The following TBX20 variants were observed in gnomAD, a reference collection of about 807,000 sequenced individuals.
The protein encoded by TBX20 is T-box transcription factor TBX20.
A neutral mutation model predicts 42.9 loss-of-function variants in TBX20; 8 were observed. The observed-to-expected ratio is 0.19, with a 90% CI of 0.11 to 0.34. The LOEUF (loss-of-function observed/expected upper bound fraction) is 0.34. Ranked by LOEUF, TBX20 falls within the 10% of genes least tolerant of loss-of-function variation. The probability of loss-of-function intolerance (pLI) is 1.00; values close to 1 mark genes in which losing one functional copy is unlikely to be tolerated. For synonymous variants in TBX20, 198 were observed against 222.8 expected, an observed-to-expected ratio of 0.89 and a Z score of 0.99; for missense variants, 411 against 566.0, an observed-to-expected ratio of 0.73 and a Z score of 2.78.
intron 6 of TBX20, among the ~76,000 whole-genome samples, chr7:35,225,652 C>A (rs1789757300): frequency 6.6e-6 from 1 of 152,174 alleles, no homozygotes; most frequent in Non-Finnish European, 1.5e-5. Flanking sequence ...ATTACATATT[C>A]ATAGATGAGA....
intron 5 of TBX20, among the ~76,000 whole-genome samples, chr7:35,233,741 T>C (rs1205158028): frequency 9.2e-5 from 14 of 152,244 alleles, no homozygotes. Context: ...ATGAGCTATG[T>C]CTCTTTGTAA....
rs368543970 is a variant in TBX20 at position 35,253,650 on chromosome 7, C to A, written c.-30G>T. ...CCCAGCACGCGGTCCTGGCCAGGGACGGGGTCGTCCGAACTGCCGTCCAGA... is the reference window on the plus strand; with the variant it reads ...CCCAGCACGCGGTCCTGGCCAGGGAAGGGGTCGTCCGAACTGCCGTCCAGA... On this transcript the variant is annotated 5_prime_UTR_variant, in exon 1 of 8. Transcript: ENST00000408931. The A allele has an allele frequency of 1.2e-6, 2 of 1,603,426 alleles. No individual in the cohort carries two copies. Among genetic ancestry groups the A allele is most frequent in the Non-Finnish European group, 8.5e-7 (1 of 1,175,776 alleles).
rs113859845 is a variant in TBX20 at position 35,253,449 on chromosome 7, G to C, written c.127+45C>G. The C allele has an allele frequency of 2.1e-3, 3,379 of 1,585,518 alleles. 64 individuals are homozygous for C. The African/African-American group carries it at 0.04, about 19-fold the overall frequency. On this transcript the variant is annotated intron_variant, in intron 1 of 7. Coordinates refer to ENST00000408931, the MANE Select transcript of TBX20 (RefSeq NM_001077653.2). ...TGCAGCCAGGGGCACAGACGGATGC[G>C]CAGCATCCCCAGTCCTCGGCGGACA...
intron 5 of TBX20, among the ~76,000 whole-genome samples, chr7:35,234,536 T>G (rs192031128): frequency 6.6e-6 from 1 of 152,352 alleles, no homozygotes; most frequent in Non-Finnish European, 1.5e-5. Context: ...AATTATCTAC[T>G]GCTAATATCA....
chr7:35,230,066 A>C (rs1789842342), intron 6 of TBX20, among the ~76,000 whole-genome samples: 1 of 152,106 alleles, frequency 6.6e-6, no homozygotes, highest in African/African-American at 2.4e-5. Context: ...AAAACGGATC[A>C]CTATCACCCC....
intron 6 of TBX20, among the ~76,000 whole-genome samples, chr7:35,217,627 T>C (rs1352715282): frequency 3.9e-5 from 6 of 152,238 alleles, no homozygotes; most frequent in Non-Finnish European, 1.5e-5. Flanking sequence ...TTCTATAATT[T>C]GAAAAAAATT....
rs1789629729 is a variant in TBX20 at position 35,218,639 on chromosome 7, A to G, written c.890+12865T>C. Among the ~76,000 whole-genome samples the G allele has an allele frequency of 2.6e-5, 4 of 152,118 alleles. No individual in the cohort carries two copies. In the South Asian group the frequency reaches 8.3e-4, roughly 32 times the overall value. ...CATACTAATAATTAAAGTTATTTCCATTTTTACAGGATTATAATATTATAA... is the reference window on the plus strand; with the variant it reads ...CATACTAATAATTAAAGTTATTTCCGTTTTTACAGGATTATAATATTATAA... On this transcript the variant is annotated intron_variant, in intron 6 of 7. Coordinates refer to ENST00000408931, the MANE Select transcript of TBX20 (RefSeq NM_001077653.2).
intron 3 of TBX20, among the ~76,000 whole-genome samples, chr7:35,245,763 A>G (rs1384004503): frequency 6.6e-6 from 1 of 152,220 alleles, no homozygotes; most frequent in Non-Finnish European, 1.5e-5. Context: ...TAAACAGTGT[A>G]AGCCAAAAAA....
intron 3 of TBX20, among the ~76,000 whole-genome samples, chr7:35,245,828 T>C (rs1201330350): frequency 6.6e-6 from 1 of 152,228 alleles, no homozygotes; most frequent in Non-Finnish European, 1.5e-5. Context: ...TTTTTCTACC[T>C]GTGACAACGC....
chr7:35,226,334 C>A (rs1351890580), intron 6 of TBX20, among the ~76,000 whole-genome samples: 12 of 136,444 alleles, frequency 8.8e-5, no homozygotes, highest in African/African-American at 3.0e-4. Flanking sequence ...CATATATGAA[C>A]AATAAAATAC....
rs369558749 is a variant in TBX20, at chr7:35,221,236, CA to C, written c.890+10267del. Among the ~76,000 whole-genome samples, 441 of 67,590 alleles carry C rather than the reference CA, an allele frequency of 6.5e-3. 4 individuals are homozygous for C. The highest frequency in any genetic ancestry group is 9.3e-3 in the Non-Finnish European group (314 of 33,710). The allele number at this position is 67,590 out of a possible 152,430, so 44.3% of individuals were successfully genotyped here. On this transcript the variant is annotated intron_variant, in intron 6 of 7. Coordinates refer to ENST00000408931, the MANE Select transcript of TBX20 (RefSeq NM_001077653.2). The stretch of plus-strand genomic sequence containing the variant: ...ATTATTCGTTGAGGGAGGAGAAGTA[CA>C]AAAAAAAATCTCTATTTCCTATTAT...
In TBX20 at chr7:35,249,499, T is replaced by A. The variant is rs778840834; in HGVS notation, c.380+452A>T. Among the ~76,000 whole-genome samples the A allele has an allele frequency of 5.3e-5, 8 of 152,172 alleles. No homozygotes were observed. The highest frequency in any genetic ancestry group is 1.2e-4 in the Non-Finnish European group (8 of 68,032). On this transcript the variant is annotated intron_variant, in intron 2 of 7. Transcript: ENST00000408931. This position sits in a 1 kb window ranked among gnomAD's most constrained non-coding sequence, Gnocchi z 4.3. Reference sequence around the variant, plus strand: ...TCAAATTTCATTCTTCCGCCCAGGTTTTAATTTTAGTTTTTAATGGGAGCT... The same window carrying A: ...TCAAATTTCATTCTTCCGCCCAGGTATTAATTTTAGTTTTTAATGGGAGCT...
At chr7:35,250,224 G>A (rs1441760424) in intron 1 of TBX20, 21 bp from the exon 2 acceptor site, 6 of 1,613,622 alleles carry the variant, frequency 3.7e-6, no homozygotes, top group Non-Finnish European at 5.1e-6. Flanking sequence ...AGAGAATTGT[G>A]AATGACAGCT....
At chr7:35,242,229 G>A (rs139829445) in intron 4 of TBX20, among the ~76,000 whole-genome samples, 8 of 152,220 alleles carry the variant, frequency 5.3e-5, no homozygotes, top group South Asian at 2.1e-4. Flanking sequence ...ATAATCGCTC[G>A]CTCTCTGTGC....
intron 6 of TBX20, among the ~76,000 whole-genome samples, chr7:35,229,366 C>T (rs924255008): frequency 1.3e-5 from 2 of 152,080 alleles, no homozygotes; most frequent in Non-Finnish European, 2.9e-5. Context: ...CTTTAGGTCT[C>T]TAAAGATCAA....
rs1790278802 is a variant in TBX20, at chr7:35,250,211, TAA to T, written c.128-10_128-9del. The T allele has an allele frequency of 6.2e-7, 1 of 1,613,562 alleles. No homozygotes were observed. Among genetic ancestry groups the T allele is most frequent in the Non-Finnish European group, 8.5e-7 (1 of 1,179,896 alleles). On this transcript the variant is annotated splice_polypyrimidine_tract_variant and intron_variant, in intron 1 of 7. Coordinates refer to ENST00000408931, the MANE Select transcript of TBX20 (RefSeq NM_001077653.2). ...ACTTCTCCACAAATTGCTCTGGAGG[TAA>T]AGAGAATTGTGAATGACAGCTGACA...
intron 6 of TBX20, among the ~76,000 whole-genome samples, chr7:35,218,236 T>A (rs1789623252): frequency 6.6e-6 from 1 of 152,212 alleles, no homozygotes; most frequent in Admixed American, 6.5e-5. Flanking sequence ...GATTAGACAA[T>A]CTTGAAGATT....
chr7:35,230,527 C>T (rs1789849089), intron 6 of TBX20, among the ~76,000 whole-genome samples: 1 of 152,224 alleles, frequency 6.6e-6, no homozygotes, highest in Non-Finnish European at 1.5e-5. Flanking sequence ...AAACCTCCCC[C>T]TCACATTCTG....
At chr7:35,227,052 C>A (rs1789784277) in intron 6 of TBX20, among the ~76,000 whole-genome samples, 1 of 142,438 alleles carries the variant, frequency 7.0e-6, no homozygotes. Flanking sequence ...GTGATTATGT[C>A]TTAGGTTTTA....
Sources: allele counts gnomAD v4.1 joint callset (sites outside exome capture counted in the v4.1 genomes callset), GRCh38; gene constraint gnomAD v4.1.1; non-coding constraint Gnocchi (gnomAD v3.1); transcripts MANE v1.5; gene names NCBI Gene and HGNC (gene_info 2026-07-23, HGNC 2026-07-21).